SPAST: variants seen among roughly 807,000 people sequenced by gnomAD.
The protein encoded by SPAST is spastic paraplegia 4 (autosomal dominant; spastin).
In SPAST, 30 loss-of-function variants were observed where a neutral mutation model predicts 76.6. The ratio of observed to expected loss-of-function variants is 0.39; its 90% CI spans 0.29 to 0.53. The LOEUF (loss-of-function observed/expected upper bound fraction) is 0.53. Ranked by LOEUF, SPAST falls within the 20% of genes least tolerant of loss-of-function variation. SPAST has a pLI of 0.68. For synonymous variants in SPAST, 305 were observed against 281.0 expected (o/e 1.09, Z -0.86); for missense variants, 717 against 770.5 (o/e 0.93, Z 0.82).
Position 32,102,301 on chromosome 2 carries a change from T to G in SPAST, c.682+3410T>G, listed in dbSNP as rs1678156050. Among the ~76,000 whole-genome samples, 3 of 152,234 alleles carry G rather than the reference T, an allele frequency of 2.0e-5. No homozygotes were observed. The South Asian group carries it at 6.2e-4, about 32-fold the overall frequency. Reference sequence around the variant, plus strand: ...TGTTATTGGTGTATAGGAATGCTTGTGATTTTTGCACATTGATTTTGTATC... The same window carrying G: ...TGTTATTGGTGTATAGGAATGCTTGGGATTTTTGCACATTGATTTTGTATC... On this transcript the variant is annotated intron_variant, in intron 4 of 16. Transcript: ENST00000315285.
chr2:32,108,610 C>T (rs951552730), intron 4 of SPAST, among the ~76,000 whole-genome samples: 1 of 151,868 alleles, frequency 6.6e-6, no homozygotes, highest in African/African-American at 2.4e-5. Flanking sequence ...CACCACTGTG[C>T]CAGCTAATTT....
intron 13 of SPAST, 38 bp downstream of exon 13, chr2:32,141,984 A>G: frequency 1.3e-6 from 2 of 1,491,670 alleles, no homozygotes; most frequent in Non-Finnish European, 1.9e-6. Context: ...GTTTTAGAGC[A>G]GAAACAAGAA....
In SPAST at chr2:32,155,783, G is replaced by T. The variant is rs1452738553; in HGVS notation, c.*1287G>T. 1 of 152,294 alleles carries T rather than the reference G, an allele frequency of 6.6e-6. No homozygotes were observed. The highest frequency in any genetic ancestry group is 1.5e-5 in the Non-Finnish European group (1 of 67,982). The allele number at this position is 152,294 out of a possible 1,614,324, so 9.4% of individuals were successfully genotyped here. ...ATAGATATTTGCCCTTAGTTTACTG[G>T]TTAAAAGTTTGTTTACAGAACTTTT... is the stretch of plus-strand genomic sequence containing the variant. On this transcript the variant is annotated 3_prime_UTR_variant, in exon 17 of 17. Coordinates refer to ENST00000315285, the MANE Select transcript of SPAST (RefSeq NM_014946.4).
intron 4 of SPAST, among the ~76,000 whole-genome samples, chr2:32,105,474 C>G (rs1031594626): frequency 1.3e-5 from 2 of 152,222 alleles, no homozygotes; most frequent in South Asian, 2.1e-4. Flanking sequence ...CAAAGTCTTT[C>G]TCTGTCTAGC....
chr2:32,103,342 T>G (rs1361567203), intron 4 of SPAST, among the ~76,000 whole-genome samples: 3 of 152,322 alleles, frequency 2.0e-5, no homozygotes, highest in Admixed American at 6.5e-5. Context: ...TTGCATCTAT[T>G]TGATTCTTCT....
intron 1 of SPAST, among the ~76,000 whole-genome samples, chr2:32,086,230 G>T (rs1322702953): frequency 6.6e-6 from 1 of 152,046 alleles, no homozygotes; most frequent in Non-Finnish European, 1.5e-5. Flanking sequence ...GACCAGGGCA[G>T]GAGGATTACT....
chr2:32,149,137 T>G (rs1034649562), intron 16 of SPAST, among the ~76,000 whole-genome samples: 10 of 151,996 alleles, frequency 6.6e-5, no homozygotes, highest in African/African-American at 2.4e-4. Context: ...TCACCCAGGC[T>G]GCAGTGCAGT....
At chr2:32,081,114 A>G (rs1677204473) in intron 1 of SPAST, among the ~76,000 whole-genome samples, 1 of 151,838 alleles carries the variant, frequency 6.6e-6, no homozygotes, top group African/African-American at 2.4e-5. Context: ...GTGCGCCACC[A>G]CGCCTAGCTA....
At chr2:32,104,670 T>A (rs1361027954) in intron 4 of SPAST, among the ~76,000 whole-genome samples, 1 of 152,200 alleles carries the variant, frequency 6.6e-6, no homozygotes, top group East Asian at 1.9e-4. Context: ...CTGTCAGCAT[T>A]TGCTTGTCTT....
chr2:32,135,428 C>G (rs1049097364), intron 9 of SPAST, among the ~76,000 whole-genome samples: 1 of 152,138 alleles, frequency 6.6e-6, no homozygotes, highest in Non-Finnish European at 1.5e-5. Flanking sequence ...CGCGCCCGGC[C>G]TAGAATATTT....
At chr2:32,078,701 A>G (rs1264725319) in intron 1 of SPAST, among the ~76,000 whole-genome samples, 1 of 152,162 alleles carries the variant, frequency 6.6e-6, no homozygotes, top group Admixed American at 6.6e-5. Context: ...AATCTTCCTT[A>G]ACCTTACCAT....
chr2:32,063,786 GTCT>G lies in SPAST; in HGVS notation c.-45_-43del. ...TGCCGCCGTCGCTTGGTTCCCGTCG[GTCT>G]GCGGGAGGCGGGTTATGGCGGCGGC... On this transcript the variant is annotated 5_prime_UTR_variant, in exon 1 of 17. Coordinates refer to ENST00000315285, the MANE Select transcript of SPAST (RefSeq NM_014946.4). The G allele has an allele frequency of 6.5e-7, 1 of 1,544,536 alleles. No individual in the cohort carries two copies. Among genetic ancestry groups the G allele is most frequent in the Non-Finnish European group, 8.7e-7 (1 of 1,153,752 alleles).
intron 16 of SPAST, among the ~76,000 whole-genome samples, chr2:32,147,865 T>C (rs1679947311): frequency 6.7e-6 from 1 of 148,712 alleles, no homozygotes; most frequent in Non-Finnish European, 1.5e-5. Context: ...TCTCCTGATC[T>C]CGTGATCTGC....
intron 9 of SPAST, among the ~76,000 whole-genome samples, chr2:32,132,607 T>C (rs1381452260): frequency 6.6e-6 from 1 of 151,998 alleles, no homozygotes; most frequent in Non-Finnish European, 1.5e-5. Context: ...GTCCCCAGAA[T>C]AGTTACTATT....
chr2:32,120,154 T>C (rs1490820841), intron 7 of SPAST, among the ~76,000 whole-genome samples: 1 of 152,156 alleles, frequency 6.6e-6, no homozygotes, highest in Non-Finnish European at 1.5e-5. Flanking sequence ...CCAAATATGA[T>C]GTTATCTTTC....
At chr2:32,072,645 G>A in intron 1 of SPAST, among the ~76,000 whole-genome samples, 1 of 152,116 alleles carries the variant, frequency 6.6e-6, no homozygotes, top group East Asian at 1.9e-4. Context: ...TTTATAAAAA[G>A]TTAATGAAAA....
At chr2:32,109,449 T>C (rs1678448366) in intron 4 of SPAST, among the ~76,000 whole-genome samples, 1 of 152,050 alleles carries the variant, frequency 6.6e-6, no homozygotes, top group Non-Finnish European at 1.5e-5. Context: ...GAAAAGAATA[T>C]TCCCCTTCTG....
intron 4 of SPAST, among the ~76,000 whole-genome samples, chr2:32,104,968 C>G (rs986087563): frequency 1.3e-5 from 2 of 152,142 alleles, no homozygotes; most frequent in Non-Finnish European, 2.9e-5. Context: ...TTGTGGCATT[C>G]TCTGTATTTC....
chr2:32,152,251 C>T (rs1680112386), intron 16 of SPAST, among the ~76,000 whole-genome samples: 1 of 152,004 alleles, frequency 6.6e-6, no homozygotes. Flanking sequence ...ACTTAAAGTA[C>T]AATTACATCA....
Sources: gnomAD v4.1 joint callset for allele counts (sites outside exome capture counted in the v4.1 genomes callset) on GRCh38, gnomAD v4.1.1 for gene constraint, MANE v1.5 for transcripts, NCBI Gene and HGNC (gene_info 2026-07-23, HGNC 2026-07-21) for gene names.